Variants in FHOD3 observed in about 807,000 individuals in gnomAD.
FHOD3 encodes the protein FH1/FH2 domain-containing protein 3.
Under a neutral mutation model 173.0 loss-of-function variants are expected in FHOD3, and 90 were observed. That is an observed-to-expected ratio of 0.52 (90% confidence interval 0.44 to 0.62). The LOEUF (loss-of-function observed/expected upper bound fraction) is 0.62, where lower values mean the gene tolerates loss of function less well. Ranked by LOEUF, FHOD3 falls within the 20% of genes least tolerant of loss-of-function variation. The pLI, the probability that FHOD3 is intolerant of heterozygous loss-of-function variation, is 0.00. For synonymous variants in FHOD3, 828 were observed against 823.0 expected, an observed-to-expected ratio of 1.01 and a Z score of -0.10; for missense variants, 1,945 against 2,034.7, an observed-to-expected ratio of 0.96 and a Z score of 0.85.
intron 5 of FHOD3, among the ~76,000 whole-genome samples, chr18:36,560,826 G>GTTTTTTTTTTTTCT (rs2058055854): frequency 7.4e-6 from 1 of 134,576 alleles, no homozygotes; most frequent in African/African-American, 2.8e-5. Flanking sequence ...AAGAGCAGCT[G>GTTTTTTTTTTTTCT]TTTTTTTTTT....
Position 36,681,489 on chromosome 18 carries a change from T to G in FHOD3, c.1889T>G (p.Leu630Arg). Residue 630 changes from leucine (L) to arginine (R), a missense_variant, in exon 15 of 29, where the codon CTG becomes CGG. By Grantham distance (102) the Leu-to-Arg change is moderately radical. Coordinates refer to ENST00000590592, the MANE Select transcript of FHOD3 (RefSeq NM_001281740.3). The part of the protein sequence containing the change: ...TSSFRQHQES[L>R]AAERERRRQE... ...TCCTTCAGGCAGCACCAAGAGTCAC[T>G]GGCAGCAGAGAGAGAGAGGCGGCGG... The G allele has an allele frequency of 6.2e-7, 1 of 1,613,808 alleles. No individual in the cohort carries two copies. The highest frequency in any genetic ancestry group is 8.5e-7 in the Non-Finnish European group (1 of 1,179,886).
At chr18:36,503,909 C>T (rs570037959) in intron 4 of FHOD3, among the ~76,000 whole-genome samples, 29 of 152,140 alleles carry the variant, frequency 1.9e-4, no homozygotes, top group Non-Finnish European at 3.7e-4. Context: ...CTGTTCTACA[C>T]CTTTGCCCTG....
intron 3 of FHOD3, among the ~76,000 whole-genome samples, chr18:36,394,720 T>G (rs9958977): frequency 0.049 from 7,463 of 152,256 alleles, 621 homozygotes; most frequent in African/African-American, 0.17. Flanking sequence ...CCCAGGCCTG[T>G]AATCAACTAT....
chr18:36,560,814 T>C (rs1305655957), intron 5 of FHOD3, among the ~76,000 whole-genome samples: 1 of 148,986 alleles, frequency 6.7e-6, no homozygotes, highest in African/African-American at 2.5e-5. Context: ...TGTGTGTGTG[T>C]AAAGAGCAGC....
At chr18:36,370,170 G>T (rs2047110403) in intron 2 of FHOD3, among the ~76,000 whole-genome samples, 1 of 152,030 alleles carries the variant, frequency 6.6e-6, no homozygotes, top group Non-Finnish European at 1.5e-5. Flanking sequence ...GGGATCTGGG[G>T]CCTCTTCCCC....
At chr18:36,402,506 T>TACACACACACACACACACACACACAC (rs146120105) in intron 3 of FHOD3, among the ~76,000 whole-genome samples, 1 of 143,906 alleles carries the variant, frequency 6.9e-6, no homozygotes, top group African/African-American at 2.6e-5. Context: ...GATGCAATTA[T>TACACACACACACACACACACACACAC]ACACACACAC....
chr18:36,409,333 A>G (rs2049231598), intron 3 of FHOD3, among the ~76,000 whole-genome samples: 1 of 152,200 alleles, frequency 6.6e-6, no homozygotes, highest in Admixed American at 6.5e-5. Flanking sequence ...TAGGAGTTCG[A>G]GGCAGCGGAA....
intron 3 of FHOD3, among the ~76,000 whole-genome samples, chr18:36,417,650 A>G (rs938959414): frequency 6.6e-6 from 1 of 152,232 alleles, no homozygotes; most frequent in Admixed American, 6.5e-5. Flanking sequence ...TCATGAGATC[A>G]TATACCTTAG....
intron 1 of FHOD3, among the ~76,000 whole-genome samples, chr18:36,338,464 C>T (rs146993890): frequency 1.2e-4 from 18 of 152,294 alleles, no homozygotes; most frequent in African/African-American, 1.7e-4. Context: ...TATTCTAAAA[C>T]GCCATGTGGG....
chr18:36,334,626 C>T (rs957760899), intron 1 of FHOD3, among the ~76,000 whole-genome samples: 1 of 152,126 alleles, frequency 6.6e-6, no homozygotes, highest in South Asian at 2.1e-4. Flanking sequence ...AATCTTGATT[C>T]GGTGATCAGA....
At chr18:36,761,460 C>T (rs971448379) in intron 27 of FHOD3, among the ~76,000 whole-genome samples, 1 of 152,130 alleles carries the variant, frequency 6.6e-6, no homozygotes, top group African/African-American at 2.4e-5. Flanking sequence ...GGGTGAAGCC[C>T]ACAGTATTCA....
At chr18:36,363,757 CAT>C (rs1484820891) in intron 2 of FHOD3, among the ~76,000 whole-genome samples, 1 of 152,060 alleles carries the variant, frequency 6.6e-6, no homozygotes, top group African/African-American at 2.4e-5. Flanking sequence ...TGTGAGAACT[CAT>C]AGAACTGTTC....
At chr18:36,346,427 C>T (rs2045883541) in intron 1 of FHOD3, among the ~76,000 whole-genome samples, 1 of 152,098 alleles carries the variant, frequency 6.6e-6, no homozygotes, top group Admixed American at 6.5e-5. Flanking sequence ...ATCTCCCTGC[C>T]CCCAAACAGC....
intron 17 of FHOD3, among the ~76,000 whole-genome samples, chr18:36,704,774 T>C (rs2039778602): frequency 6.6e-6 from 1 of 152,080 alleles, no homozygotes; most frequent in Non-Finnish European, 1.5e-5. Context: ...TGTGAAGTGC[T>C]CAGTAACCAT....
At chr18:36,614,235 A>G (rs2032977881) in intron 9 of FHOD3, among the ~76,000 whole-genome samples, 1 of 152,180 alleles carries the variant, frequency 6.6e-6, no homozygotes, top group South Asian at 2.1e-4. Flanking sequence ...TGTTTTGGAC[A>G]TTTCAGACAA....
intron 14 of FHOD3, among the ~76,000 whole-genome samples, chr18:36,676,415 T>G (rs1412921341): frequency 6.6e-6 from 1 of 152,236 alleles, no homozygotes; most frequent in Non-Finnish European, 1.5e-5. Context: ...AACTATATTT[T>G]GTTTATTTGT....
intron 13 of FHOD3, among the ~76,000 whole-genome samples, 167 bp from the exon 14 acceptor site, chr18:36,657,907 GA>G (rs1262791684): frequency 6.6e-6 from 1 of 152,190 alleles, no homozygotes; most frequent in African/African-American, 2.4e-5. Context: ...GAAATTATCA[GA>G]AAAAAACAGG....
At chr18:36,494,318 A>G (rs1165270548) in intron 3 of FHOD3, among the ~76,000 whole-genome samples, 5 of 152,216 alleles carry the variant, frequency 3.3e-5, no homozygotes, top group African/African-American at 9.7e-5. Flanking sequence ...ACAGCATAAT[A>G]CATGATTGCA....
chr18:36,378,618 G>T (rs1029621713), intron 3 of FHOD3, among the ~76,000 whole-genome samples: 1 of 145,374 alleles, frequency 6.9e-6, no homozygotes, highest in African/African-American at 2.5e-5. Context: ...AAAAAAAAGA[G>T]AGATGGGAAG....
Sources: gnomAD v4.1 joint callset for allele counts (sites outside exome capture counted in the v4.1 genomes callset) on GRCh38, gnomAD v4.1.1 for gene constraint, MANE v1.5 for transcripts, NCBI Gene and HGNC (gene_info 2026-07-23, HGNC 2026-07-21) for gene names.